The following FCRL6 variants were observed in gnomAD, a reference collection of about 807,000 sequenced individuals.
The protein encoded by FCRL6 is Fc receptor like 6.
Under a neutral mutation model 49.1 loss-of-function variants are expected in FCRL6, and 50 were observed. The ratio of observed to expected loss-of-function variants is 1.02; its 90% CI spans 0.81 to 1.29. The LOEUF (loss-of-function observed/expected upper bound fraction) is 1.29, where lower values mean the gene tolerates loss of function less well. FCRL6 is among the 50% of genes most tolerant of loss of function. The pLI is 0.00. For synonymous variants in FCRL6, 213 were observed against 199.6 expected (o/e 1.07, Z -0.57); for missense variants, 571 against 518.5 (o/e 1.10, Z -0.98).
intron 5 of FCRL6, among the ~76,000 whole-genome samples, 181 bp from the exon 6 acceptor site, chr1:159,809,913 G>A (rs959146595): frequency 2.6e-5 from 4 of 152,164 alleles, no homozygotes; most frequent in East Asian, 1.9e-4. Context: ...GTGGTCACTC[G>A]TGGTGTCACC....
chr1:159,814,732 G>A (rs915995745), intron 8 of FCRL6, among the ~76,000 whole-genome samples: 1 of 152,220 alleles, frequency 6.6e-6, no homozygotes, highest in Non-Finnish European at 1.5e-5. Context: ...CTATAAGATG[G>A]AGTCAAGAAG....
chr1:159,810,302 C>T, intron 6 of FCRL6, 86 bp downstream of exon 6: 3 of 1,487,052 alleles, frequency 2.0e-6, no homozygotes, highest in Non-Finnish European at 1.8e-6. Flanking sequence ...TCTGACAGGA[C>T]CAGCCACTCT....
chr1:159,814,350 T>C (rs1663264311), intron 8 of FCRL6, 58 bp downstream of exon 8: 1 of 1,305,068 alleles, frequency 7.7e-7, no homozygotes, highest in Admixed American at 1.7e-5. Context: ...GGACCTACAA[T>C]GAGAGTATCA....
intron 6 of FCRL6, 132 bp downstream of exon 6, chr1:159,810,348 C>A: frequency 9.1e-7 from 1 of 1,099,690 alleles, no homozygotes; most frequent in Non-Finnish European, 1.3e-6. Context: ...GGGGACTTCT[C>A]TTCCTGTGTC....
In FCRL6 at chr1:159,804,835, A is replaced by G. The variant is rs114188194; in HGVS notation, c.32-1761A>G. Among the ~76,000 whole-genome samples the G allele has an allele frequency of 7.4e-3, 1,120 of 152,318 alleles. 10 individuals carry two copies. The highest frequency in any genetic ancestry group is 0.025 in the African/African-American group (1,045 of 41,572). ...CAATTGTTTTCCAGTGAGGTGGGGA[A>G]GGGAAGGAAGACATAACTACAGAGT... On this transcript the variant is annotated intron_variant, in intron 1 of 9. Coordinates refer to ENST00000368106, the MANE Select transcript of FCRL6 (RefSeq NM_001004310.3).
intron 6 of FCRL6, among the ~76,000 whole-genome samples, chr1:159,811,636 T>C (rs568540383): frequency 1.3e-5 from 2 of 152,204 alleles, no homozygotes; most frequent in Admixed American, 6.5e-5. Context: ...TCTCCCCTTT[T>C]GAATATGTAG....
chr1:159,815,921 C>T lies in FCRL6; in HGVS notation c.*260C>T. ...AATCAGTGACACTGGACACATAAGC[C>T]ACAGATGTCTTCTTTCCATACAAGC... On this transcript the variant is annotated 3_prime_UTR_variant, in exon 10 of 10. Coordinates refer to ENST00000368106, the MANE Select transcript of FCRL6 (RefSeq NM_001004310.3). 1 of 437,418 alleles carries T rather than the reference C, an allele frequency of 2.3e-6. No homozygotes were observed. Among genetic ancestry groups the T allele is most frequent in the Non-Finnish European group, 4.2e-6 (1 of 235,518 alleles). The allele number at this position is 437,418 out of a possible 1,614,324, so 27.1% of individuals were successfully genotyped here. A position where few individuals can be genotyped will look rare whatever the true frequency, so the allele number is the denominator to read the frequency against.
Position 159,809,118 on chromosome 1 carries a change from G to T in FCRL6, c.477G>T (p.Arg159Ser), listed in dbSNP as rs750605163. 28 of 1,613,976 alleles carry T rather than the reference G, an allele frequency of 1.7e-5. No individual in the cohort carries two copies. The highest frequency in any genetic ancestry group is 2.4e-5 in the Non-Finnish European group (28 of 1,179,988). ...AGGACGGCCACACCTTGCAGGACAG[G>T]GGCCCTCACCCAGAACTCTGCATCC... ...FHKDGHTLQD[R>S]GPHPELCIPG... The change falls in exon 4 of 10, where the codon AGG (arginine) becomes AGT (serine). Residue 159 changes from arginine (R) to serine (S), a missense_variant. Transcript: ENST00000368106.
chr1:159,812,350 C>T (rs1464674347), intron 6 of FCRL6, among the ~76,000 whole-genome samples: 1 of 152,192 alleles, frequency 6.6e-6, no homozygotes, highest in Non-Finnish European at 1.5e-5. Context: ...TGTTCTTCAG[C>T]AAACAGAAAT....
Position 159,809,485 on chromosome 1 carries a change from G to A in FCRL6, c.688G>A (p.Ala230Thr), listed in dbSNP as rs373776213. The change falls in exon 5 of 10, where the codon GCA becomes ACA. Residue 230 changes from alanine to threonine, a missense_variant. By Grantham distance (58) the Ala-to-Thr change is moderately conservative. Transcript: ENST00000368106. The stretch of plus-strand genomic sequence containing the variant: ...GGACATGGTGCAGCTCCTCTGTGAG[G>A]CACAGAGGGGCTCCCCTCCGATCCT... The part of the protein sequence containing the change: ...VGDMVQLLCE[A>T]QRGSPPILYS... The A allele has an allele frequency of 1.9e-6, 3 of 1,613,922 alleles. No individual in the cohort carries two copies. The highest frequency in any genetic ancestry group is 2.5e-6 in the Non-Finnish European group (3 of 1,179,800).
chr1:159,815,786 G>A lies in FCRL6; in HGVS notation c.*125G>A, dbSNP rs886908590. ...CAAGCCCAGCATCACAGAGCCCCCT[G>A]AGCCCTTGTCCTGGTCAGGAGCACC... On this transcript the variant is annotated 3_prime_UTR_variant, in exon 10 of 10. Transcript: ENST00000368106. 3.2e-6 allele frequency: 4 copies of A among 1,252,162 alleles called. No homozygotes were observed. Among genetic ancestry groups the A allele is most frequent in the African/African-American group, 1.5e-5 (1 of 67,488 alleles). The allele number at this position is 1,252,162 out of a possible 1,614,324, so 77.6% of individuals were successfully genotyped here.
intron 8 of FCRL6, among the ~76,000 whole-genome samples, chr1:159,814,609 G>C (rs1480268256): frequency 1.3e-5 from 2 of 152,206 alleles, no homozygotes; most frequent in African/African-American, 4.8e-5. Flanking sequence ...ACCATGATAA[G>C]TGCAGGGAGT....
At chr1:159,814,860 C>G (rs1663301116) in intron 8 of FCRL6, among the ~76,000 whole-genome samples, 1 of 152,150 alleles carries the variant, frequency 6.6e-6, no homozygotes, top group African/African-American at 2.4e-5. Flanking sequence ...TTCTGAGTCT[C>G]AGAACTGAGT....
intron 7 of FCRL6, 150 bp downstream of exon 7, chr1:159,813,704 A>G: frequency 2.9e-6 from 2 of 690,098 alleles, no homozygotes; most frequent in East Asian, 5.6e-5. Flanking sequence ...AAGGGCATGA[A>G]GAGGGAGTGC....
intron 6 of FCRL6, among the ~76,000 whole-genome samples, chr1:159,810,803 G>C (rs1557877123): frequency 6.6e-6 from 1 of 152,202 alleles, no homozygotes; most frequent in East Asian, 1.9e-4. Context: ...ACTACCATTA[G>C]TTCCATAGCC....
At chr1:159,813,414 C>A in intron 6 of FCRL6, 75 bp from the exon 7 acceptor site, 1 of 1,340,374 alleles carries the variant, frequency 7.5e-7, no homozygotes, top group Non-Finnish European at 1.1e-6. Flanking sequence ...GTCATTCTTG[C>A]TCACAGCTTT....
intron 1 of FCRL6, among the ~76,000 whole-genome samples, chr1:159,804,545 C>T (rs1662552904): frequency 1.3e-5 from 2 of 152,238 alleles, no homozygotes; most frequent in South Asian, 4.1e-4. Context: ...CAGCCTATAG[C>T]TAATGGAGGT....
Position 159,814,212 on chromosome 1 carries a change from T to C in FCRL6, c.1076-9T>C. On this transcript the variant is annotated splice_polypyrimidine_tract_variant and intron_variant, in intron 7 of 9. Coordinates refer to ENST00000368106, the MANE Select transcript of FCRL6 (RefSeq NM_001004310.3). ...GAGGATCCTATTTAAGCCTCATTCCTTCTTCCAGTGCATCACCAGAAAGGG... is the reference window on the plus strand; with the variant it reads ...GAGGATCCTATTTAAGCCTCATTCCCTCTTCCAGTGCATCACCAGAAAGGG... 6.2e-7 allele frequency: 1 copy of C among 1,613,350 alleles called. No individual in the cohort carries two copies. The highest frequency in any genetic ancestry group is 8.5e-7 in the Non-Finnish European group (1 of 1,179,262).
chr1:159,806,107 T>C (rs1202020916), intron 1 of FCRL6, among the ~76,000 whole-genome samples: 1 of 152,226 alleles, frequency 6.6e-6, no homozygotes, highest in African/African-American at 2.4e-5. Flanking sequence ...CTATGGAGCT[T>C]ATATTCTAGC....
Sources: allele counts gnomAD v4.1 joint callset (sites outside exome capture counted in the v4.1 genomes callset), GRCh38; gene constraint gnomAD v4.1.1; transcripts MANE v1.5; gene names NCBI Gene and HGNC (gene_info 2026-07-23, HGNC 2026-07-21).